The following ITLN1 variants were observed in gnomAD, a reference collection of about 807,000 sequenced individuals.
The protein encoded by ITLN1 is intelectin 1.
Under a neutral mutation model 36.2 loss-of-function variants are expected in ITLN1, and 29 were observed. The observed-to-expected ratio is 0.80, with a 90% confidence interval of 0.60 to 1.09. The LOEUF (loss-of-function observed/expected upper bound fraction) is 1.09, where lower values mean the gene tolerates loss of function less well. Ranked by LOEUF, ITLN1 falls within the 50% of genes least tolerant of loss-of-function variation. The pLI, the probability that ITLN1 is intolerant of heterozygous loss-of-function variation, is 0.00. For synonymous variants in ITLN1, 143 were observed against 146.5 expected, an observed-to-expected ratio of 0.98 and a Z score of 0.17; for missense variants, 358 against 405.2, an observed-to-expected ratio of 0.88 and a Z score of 1.00.
At chr1:160,876,881 A>C (rs895650117) in intron 7 of ITLN1, 65 bp from the exon 8 acceptor site, 43 of 1,509,614 alleles carry the variant, frequency 2.8e-5, no homozygotes, top group Non-Finnish European at 3.6e-5. Context: ...TGCCATCTTA[A>C]CAGCTGAATC....
chr1:160,878,236 C>A (rs1174026365), intron 7 of ITLN1, among the ~76,000 whole-genome samples: 8 of 152,114 alleles, frequency 5.3e-5, no homozygotes, highest in Admixed American at 1.3e-4. Context: ...ACACCTCACT[C>A]CTTTTTTGCC....
chr1:160,879,455 T>C, intron 6 of ITLN1, 41 bp from the exon 7 acceptor site: 1 of 1,544,914 alleles, frequency 6.5e-7, no homozygotes, highest in Non-Finnish European at 8.9e-7. Context: ...AGGAAGATGC[T>C]AGAAATTGCT....
chr1:160,877,009 G>C (rs1305564644), intron 7 of ITLN1, among the ~76,000 whole-genome samples, 193 bp from the exon 8 acceptor site: 2 of 152,276 alleles, frequency 1.3e-5, no homozygotes, highest in East Asian at 3.9e-4. Flanking sequence ...AGGCCGAAGA[G>C]GGTGGATCAC....
At chr1:160,882,319 C>T in intron 3 of ITLN1, 115 bp from the exon 4 acceptor site, 1 of 1,359,320 alleles carries the variant, frequency 7.4e-7, no homozygotes, top group Non-Finnish European at 9.9e-7. Context: ...CCTGTCCTGA[C>T]TCACATCACT....
intron 7 of ITLN1, 41 bp from the exon 8 acceptor site, chr1:160,876,857 G>T (rs1349509879): frequency 1.3e-6 from 2 of 1,596,424 alleles, no homozygotes; most frequent in East Asian, 2.2e-5. Context: ...TGAGAGATCT[G>T]CCAGTGAGGC....
chr1:160,880,839 C>T, intron 5 of ITLN1, 131 bp from the exon 6 acceptor site: 2 of 1,135,052 alleles, frequency 1.8e-6, no homozygotes, highest in Non-Finnish European at 2.5e-6. Flanking sequence ...CAAAACCAGT[C>T]AAAATAAGAA....
chr1:160,880,436 A>C, intron 6 of ITLN1, 152 bp downstream of exon 6: 1 of 724,570 alleles, frequency 1.4e-6, no homozygotes, highest in South Asian at 2.2e-5. Flanking sequence ...AATAAAGTTC[A>C]GATCTCAAAG....
Position 160,876,742 on chromosome 1 carries a change from C to T in ITLN1, c.864G>A (p.Trp288Ter), listed in dbSNP as rs1287303751. ...AACCAACATGAGTTCCATATCCACT[C>T]CAATCAAAACCAGAAAAATCTCCAC... ...QQCGDFSGFDWSGYGTHVGYS... is the reference protein window; with the variant it reads ...QQCGDFSGFD Residue 288 changes from tryptophan (W) to a stop codon, truncating the protein, a stop_gained, in exon 8 of 8, where the codon TGG (tryptophan) becomes TGA (stop). Transcript: ENST00000326245. LOFTEE classifies it high-confidence loss of function. 3.1e-6 allele frequency: 5 copies of T among 1,614,188 alleles called. No homozygotes were observed. The highest frequency in any genetic ancestry group is 4.2e-6 in the Non-Finnish European group (5 of 1,180,012).
At chr1:160,882,345 T>G in intron 3 of ITLN1, 141 bp from the exon 4 acceptor site, 1 of 993,888 alleles carries the variant, frequency 1.0e-6, no homozygotes, top group Non-Finnish European at 1.4e-6. Context: ...CTCCCAGGGG[T>G]ACTGGGGCCT....
intron 2 of ITLN1, among the ~76,000 whole-genome samples, chr1:160,884,022 C>CT (rs1416921475): frequency 2.6e-5 from 4 of 152,234 alleles, no homozygotes; most frequent in African/African-American, 9.6e-5. Context: ...GACGGGTTGT[C>CT]TCATGTCTTA....
chr1:160,878,490 G>GATC (rs1247214778), intron 7 of ITLN1, among the ~76,000 whole-genome samples: 2 of 151,224 alleles, frequency 1.3e-5, no homozygotes, highest in East Asian at 3.9e-4. Flanking sequence ...GGCTTAAGCA[G>GATC]ATCCTCCCAC....
At chr1:160,880,487 C>A (rs1557855659) in intron 6 of ITLN1, 101 bp downstream of exon 6, 2 of 1,249,216 alleles carry the variant, frequency 1.6e-6, no homozygotes, top group Non-Finnish European at 2.3e-6. Context: ...GGGAACATTA[C>A]AGGAGAGAAC....
chr1:160,883,397 C>G (rs1413372763), intron 3 of ITLN1, 31 bp downstream of exon 3: 2 of 1,469,280 alleles, frequency 1.4e-6, no homozygotes, highest in Non-Finnish European at 1.9e-6. Context: ...GATACCCTGA[C>G]TGAGCTCTGT....
intron 2 of ITLN1, 142 bp downstream of exon 2, chr1:160,884,678 G>C (rs369179288): frequency 3.1e-6 from 2 of 636,242 alleles, no homozygotes; most frequent in African/African-American, 3.6e-5. Flanking sequence ...GCCAGATTCC[G>C]CCAGAGACCA....
intron 4 of ITLN1, 62 bp downstream of exon 4, chr1:160,881,895 G>C (rs992918068): frequency 8.9e-5 from 143 of 1,612,734 alleles, no homozygotes; most frequent in Non-Finnish European, 1.1e-4. Context: ...CCTCCTGCAG[G>C]CTTGTGGCCA....
chr1:160,877,415 C>A (rs887954302), intron 7 of ITLN1, among the ~76,000 whole-genome samples: 2 of 152,160 alleles, frequency 1.3e-5, no homozygotes, highest in African/African-American at 4.8e-5. Context: ...AACTGCATGA[C>A]CACTGTGGCC....
chr1:160,877,378 G>A (rs1670606848), intron 7 of ITLN1, among the ~76,000 whole-genome samples: 1 of 152,090 alleles, frequency 6.6e-6, no homozygotes, highest in South Asian at 2.1e-4. Context: ...GCTCCCTAGT[G>A]GAGGACCTAT....
At position 160,879,348 on chromosome 1, in the gene ITLN1, C is replaced by T; in HGVS notation, c.752G>A (p.Cys251Tyr). 1 of 1,614,188 alleles carries T rather than the reference C, an allele frequency of 6.2e-7. No homozygotes were observed. The highest frequency in any genetic ancestry group is 1.1e-5 in the South Asian group (1 of 91,084). ...FNNERAANAL[C>Y]AGMRVTGCNT... ...ACATCCGGTGACCCTCATTCCAGCA[C>T]ACAAGGCGTTGGCTGCTCTCTCGTT... Residue 251 changes from cysteine to tyrosine, a missense_variant, in exon 7 of 8, where the codon TGT becomes TAT. By Grantham distance (194) the Cys-to-Tyr change is radical. Coordinates refer to ENST00000326245, the MANE Select transcript of ITLN1 (RefSeq NM_017625.3).
intron 3 of ITLN1, 137 bp downstream of exon 3, chr1:160,883,291 C>G: frequency 6.9e-6 from 4 of 580,852 alleles, no homozygotes; most frequent in Non-Finnish European, 1.2e-5. Flanking sequence ...CTTAATGTTG[C>G]TTAAAATGGC....
Sources: allele counts gnomAD v4.1 joint callset (sites outside exome capture counted in the v4.1 genomes callset), GRCh38; gene constraint gnomAD v4.1.1; transcripts MANE v1.5; gene names NCBI Gene and HGNC (gene_info 2026-07-23, HGNC 2026-07-21).